SLC16A7: variants seen among roughly 807,000 people sequenced by gnomAD.
SLC16A7 encodes the protein solute carrier family 16 member 7, also known as monocarboxylate transporter 2.
Under a neutral mutation model 34.9 loss-of-function variants are expected in SLC16A7, and 33 were observed. That is an observed-to-expected ratio of 0.94 (90% CI 0.72 to 1.26). SLC16A7 has a LOEUF of 1.26. Ranked by LOEUF, SLC16A7 falls within the 50% of genes most tolerant of loss-of-function variation. SLC16A7 has a pLI of 0.00. For missense variants in SLC16A7, 573 were observed against 578.1 expected (o/e 0.99, Z 0.09); for synonymous variants, 201 against 206.6 (o/e 0.97, Z 0.23).
At chr12:59,628,544 C>T (rs76818997) in intron 1 of SLC16A7, among the ~76,000 whole-genome samples, 1 of 151,806 alleles carries the variant, frequency 6.6e-6, no homozygotes, top group Non-Finnish European at 1.5e-5. Context: ...CGTAAACAAA[C>T]CCTCTGGTAG....
At chr12:59,710,465 T>C (rs933656914) in intron 3 of SLC16A7, among the ~76,000 whole-genome samples, 1 of 151,870 alleles carries the variant, frequency 6.6e-6, no homozygotes, top group Non-Finnish European at 1.5e-5. Flanking sequence ...AACAACAGAT[T>C]GGAAGTGTGC....
At chr12:59,760,013 C>G (rs750711887) in intron 3 of SLC16A7, among the ~76,000 whole-genome samples, 5 of 151,900 alleles carry the variant, frequency 3.3e-5, no homozygotes, top group Non-Finnish European at 7.4e-5. Flanking sequence ...GGAATTTTCC[C>G]AGTTTTATGG....
intron 3 of SLC16A7, among the ~76,000 whole-genome samples, chr12:59,740,421 A>C (rs1352808702): frequency 6.6e-6 from 1 of 152,214 alleles, no homozygotes; most frequent in African/African-American, 2.4e-5. Context: ...TTTTGGTACC[A>C]GTACCATGCT....
At chr12:59,748,185 G>GAT (rs2137312091) in intron 3 of SLC16A7, among the ~76,000 whole-genome samples, 1 of 152,282 alleles carries the variant, frequency 6.6e-6, no homozygotes, top group Admixed American at 6.5e-5. Context: ...ATTTTAGCTA[G>GAT]ATAGGATAGG....
chr12:59,597,044 A>G (rs559014804), intron 1 of SLC16A7: 1 of 152,400 alleles, frequency 6.6e-6, no homozygotes, highest in Non-Finnish European at 1.5e-5. Flanking sequence ...TCACGTGCGA[A>G]CTGCCTGTTT....
chr12:59,756,036 G>T (rs538748729), intron 3 of SLC16A7, among the ~76,000 whole-genome samples: 43 of 152,260 alleles, frequency 2.8e-4, no homozygotes, highest in African/African-American at 8.4e-4. Context: ...AACGGTGCTG[G>T]GAAAACTGGC....
rs546883504 is a variant in SLC16A7 at position 59,721,158 on chromosome 12, G to A, written c.217+16140G>A. On this transcript the variant is annotated intron_variant, in intron 3 of 5. Coordinates refer to ENST00000547379, the MANE Select transcript of SLC16A7 (RefSeq NM_001270623.2). ...GTCCAGTCTCTCTCTCTCGCTATAT[G>A]AGATGATTATTTGTCATTTAATCCA... Among the ~76,000 whole-genome samples, 5 of 152,036 alleles carry A rather than the reference G, an allele frequency of 3.3e-5. No homozygotes were observed. In the South Asian group the frequency reaches 6.2e-4, roughly 19 times the overall value.
intron 2 of SLC16A7, among the ~76,000 whole-genome samples, chr12:59,661,927 A>G (rs1353914859): frequency 2.6e-5 from 4 of 152,096 alleles, no homozygotes; most frequent in African/African-American, 9.7e-5. Context: ...TTTTAGCTCC[A>G]TTGTAATTCT....
rs867605624 is a variant in SLC16A7 at position 59,709,970 on chromosome 12, A to G, written c.217+4952A>G. Among the ~76,000 whole-genome samples, 87 of 151,548 alleles carry G rather than the reference A, an allele frequency of 5.7e-4. 2 individuals carry two copies. Among genetic ancestry groups the G allele is most frequent in the African/African-American group, 1.8e-3 (74 of 40,898 alleles). The stretch of plus-strand genomic sequence containing the variant: ...TCTGGCATGCATCTTCCCTTTCTCT[A>G]CAGTTATATAGACTATACTGATCAT... On this transcript the variant is annotated intron_variant, in intron 3 of 5. Transcript: ENST00000547379.
chr12:59,690,429 A>C (rs115545819), intron 2 of SLC16A7, among the ~76,000 whole-genome samples: 277 of 152,204 alleles, frequency 1.8e-3, no homozygotes, highest in African/African-American at 6.5e-3. Context: ...TAAAGTATGT[A>C]CATCATTATA....
intron 1 of SLC16A7, among the ~76,000 whole-genome samples, chr12:59,650,095 A>G (rs1166871507): frequency 6.6e-6 from 1 of 151,254 alleles, no homozygotes; most frequent in Non-Finnish European, 1.5e-5. Flanking sequence ...TTTTTTGCTT[A>G]TTAGAACAGA....
intron 1 of SLC16A7, among the ~76,000 whole-genome samples, chr12:59,643,801 CTA>C (rs1244360202): frequency 2.0e-5 from 3 of 152,178 alleles, no homozygotes; most frequent in South Asian, 2.1e-4. Flanking sequence ...TTTTGGCAAA[CTA>C]TGTGGTATTC....
intron 2 of SLC16A7, among the ~76,000 whole-genome samples, chr12:59,672,709 A>G (rs1364422161): frequency 2.0e-5 from 3 of 152,186 alleles, no homozygotes; most frequent in Non-Finnish European, 4.4e-5. Context: ...AATTTACAGC[A>G]ACATGTTGAT....
chr12:59,711,335 T>C (rs1449319737), intron 3 of SLC16A7, among the ~76,000 whole-genome samples: 4 of 152,180 alleles, frequency 2.6e-5, no homozygotes, highest in Non-Finnish European at 4.4e-5. Flanking sequence ...AGAATAAAAA[T>C]GTGTTGGGTT....
At chr12:59,642,428 C>T (rs375833308) in intron 1 of SLC16A7, among the ~76,000 whole-genome samples, 1 of 151,908 alleles carries the variant, frequency 6.6e-6, no homozygotes, top group Non-Finnish European at 1.5e-5. Flanking sequence ...AATTATGTTT[C>T]TTCATTTGCA....
Position 59,769,370 on chromosome 12 carries a change from C to T in SLC16A7, c.218-1849C>T, listed in dbSNP as rs182409108. The T allele has an allele frequency of 3.3e-5, 5 of 152,160 alleles. No individual in the cohort carries two copies. The East Asian group carries it at 9.7e-4, about 29-fold the overall frequency. 9.4% of individuals were successfully genotyped at this position (152,160 alleles called of 1,614,324 possible). A position where few individuals can be genotyped will look rare whatever the true frequency, so the allele number is the denominator to read the frequency against. ...TAATATGTGTTATATATATTCTCTA[C>T]GTGTATAATTTATTTTCTTCAGCTC... is the stretch of plus-strand genomic sequence containing the variant. On this transcript the variant is annotated intron_variant, in intron 3 of 5. Transcript: ENST00000547379.
chr12:59,669,569 C>T lies in SLC16A7; in HGVS notation c.-31+14319C>T, dbSNP rs556293611. Among the ~76,000 whole-genome samples the T allele has an allele frequency of 1.1e-3, 170 of 151,968 alleles. 6 individuals are homozygous for T. The South Asian group carries it at 0.014, about 12-fold the overall frequency. ...TACATTTAACCATCAGAAAGTTTGT[C>T]TCTGTTCCTTTAGCCCAGTATTAGG... On this transcript the variant is annotated intron_variant, in intron 2 of 5. Coordinates refer to ENST00000547379, the MANE Select transcript of SLC16A7 (RefSeq NM_001270623.2).
At chr12:59,761,653 A>C (rs1236778323) in intron 3 of SLC16A7, among the ~76,000 whole-genome samples, 2 of 152,130 alleles carry the variant, frequency 1.3e-5, no homozygotes, top group African/African-American at 4.8e-5. Flanking sequence ...AAATCAATGA[A>C]CATCAACTTA....
At chr12:59,671,204 C>T (rs1006034159) in intron 2 of SLC16A7, among the ~76,000 whole-genome samples, 25 of 152,054 alleles carry the variant, frequency 1.6e-4, no homozygotes, top group African/African-American at 5.8e-4. Flanking sequence ...TTACAAGTTA[C>T]CAAATCTCAC....
Sources: gnomAD v4.1 joint callset for allele counts (sites outside exome capture counted in the v4.1 genomes callset) on GRCh38, gnomAD v4.1.1 for gene constraint, MANE v1.5 for transcripts, NCBI Gene and HGNC (gene_info 2026-07-23, HGNC 2026-07-21) for gene names.